NSL1: variants seen among roughly 807,000 people sequenced by gnomAD.
The protein encoded by NSL1 is NSL1 component of MIS12 kinetochore complex.
Under a neutral mutation model 25.4 loss-of-function variants are expected in NSL1, and 11 were observed. The observed-to-expected ratio is 0.43, with a 90% CI of 0.27 to 0.72. The LOEUF (loss-of-function observed/expected upper bound fraction) is 0.72. Among genes scored for constraint, NSL1 ranks in the 30% least tolerant of loss-of-function variants. The probability of loss-of-function intolerance (pLI) is 0.19; values close to 1 mark genes in which losing one functional copy is unlikely to be tolerated. For synonymous variants in NSL1, 118 were observed against 120.6 expected (o/e 0.98, Z 0.14); for missense variants, 330 against 342.7 (o/e 0.96, Z 0.29).
Position 212,739,575 on chromosome 1 carries a change from T to C in NSL1, c.526A>G (p.Arg176Gly), listed in dbSNP as rs907388710. ...PAPHMENLKC[R>G]GETVAKEISE... The stretch of plus-strand genomic sequence containing the variant: ...ATCTCCTTTGCTACTGTTTCCCCTC[T>C]GCATTTCAAATTTTCCATATGAGGG... The change falls in exon 5 of 6, where the codon AGA (arginine) becomes GGA (glycine). Residue 176 changes from arginine to glycine, a missense_variant. By Grantham distance (125) the Arg-to-Gly change is moderately radical. Transcript: ENST00000366977. 6.2e-7 allele frequency: 1 copy of C among 1,613,616 alleles called. No individual in the cohort carries two copies. Among genetic ancestry groups the C allele is most frequent in the Admixed American group, 1.7e-5 (1 of 59,982 alleles).
intron 4 of NSL1, among the ~76,000 whole-genome samples, chr1:212,776,795 AG>A (rs1660393411): frequency 6.6e-6 from 1 of 152,016 alleles, no homozygotes; most frequent in African/African-American, 2.4e-5. Context: ...TAAAAAATAG[AG>A]CTGAACTATG....
chr1:212,766,146 A>C (rs1024586418), intron 4 of NSL1: 32 of 516,812 alleles, frequency 6.2e-5, no homozygotes, highest in Non-Finnish European at 8.7e-5. Flanking sequence ...AAAAAAAAAA[A>C]AACAAAAAAA....
intron 4 of NSL1, among the ~76,000 whole-genome samples, chr1:212,744,961 C>G (rs111259341): frequency 0.015 from 2,311 of 152,028 alleles, 63 homozygotes; most frequent in African/African-American, 0.053. Flanking sequence ...CATGGTGAAA[C>G]CCCGTCTCTA....
chr1:212,791,676 C>T lies in NSL1; in HGVS notation c.88G>A (p.Ala30Thr). ...AGTESQALVS[A>T]TPREDFRVRC... ...ACCCGAAAGTCTTCTCGGGGAGTGG[C>T]GGAGACCAAGGCCTGGCTCTCTGTG... Residue 30 changes from alanine (A) to threonine (T), a missense_variant, in exon 1 of 6, where the codon GCC (alanine) becomes ACC (threonine). Coordinates refer to ENST00000366977, the MANE Select transcript of NSL1 (RefSeq NM_015471.4). The T allele has an allele frequency of 6.2e-7, 1 of 1,613,896 alleles. No individual in the cohort carries two copies. Among genetic ancestry groups the T allele is most frequent in the Non-Finnish European group, 8.5e-7 (1 of 1,180,002 alleles).
At position 212,791,726 on chromosome 1, in the gene NSL1, G is replaced by T. The variant is rs897178793; in HGVS notation, c.38C>A (p.Pro13Gln). 1.2e-6 allele frequency: 2 copies of T among 1,613,462 alleles called. No individual in the cohort carries two copies. The highest frequency in any genetic ancestry group is 1.7e-6 in the Non-Finnish European group (2 of 1,179,718). Residue 13 changes from proline to glutamine, a missense_variant, in exon 1 of 6, where the codon CCA becomes CAA. Transcript: ENST00000366977. ...GSPELVVLDP[P>Q]WDKELAAGTE... Reference sequence around the variant, plus strand: ...GCCAGCCGCGAGCTCCTTGTCCCATGGAGGGTCAAGGACCACCAACTCAGG... The same window carrying T: ...GCCAGCCGCGAGCTCCTTGTCCCATTGAGGGTCAAGGACCACCAACTCAGG...
At chr1:212,747,734 T>A (rs1470969861) in intron 4 of NSL1, among the ~76,000 whole-genome samples, 1 of 152,214 alleles carries the variant, frequency 6.6e-6, no homozygotes, top group African/African-American at 2.4e-5. Flanking sequence ...AGGCTTATCT[T>A]AGGTAGAAAT....
At chr1:212,776,021 G>A (rs1571909462) in intron 4 of NSL1, among the ~76,000 whole-genome samples, 1 of 151,792 alleles carries the variant, frequency 6.6e-6, no homozygotes, top group East Asian at 1.9e-4. Context: ...TAGAGACGGG[G>A]TTTCACCATG....
At chr1:212,772,680 A>AG (rs776768194) in intron 4 of NSL1, among the ~76,000 whole-genome samples, 33 of 147,752 alleles carry the variant, frequency 2.2e-4, no homozygotes, top group African/African-American at 6.6e-4. Flanking sequence ...TTGTCTCAAA[A>AG]AAAGAAAAAA....
chr1:212,786,938 TA>T (rs995369205), intron 2 of NSL1, among the ~76,000 whole-genome samples: 4 of 151,384 alleles, frequency 2.6e-5, no homozygotes, highest in African/African-American at 9.7e-5. Context: ...ACCAGCACTT[TA>T]GGAGATTGAG....
At position 212,732,042 on chromosome 1, in the gene NSL1, T is replaced by TC; in HGVS notation, c.*6365_*6366insG. The stretch of plus-strand genomic sequence containing the variant: ...TAACTGTCCCAATTTTTTTTTTTTT[T>TC]TTTTACTGAATTCAGATTCAGGGTT... On this transcript the variant is annotated 3_prime_UTR_variant, in exon 6 of 6. Coordinates refer to ENST00000366977, the MANE Select transcript of NSL1 (RefSeq NM_015471.4). 2 of 981,220 alleles carry TC rather than the reference T, an allele frequency of 2.0e-6. No individual in the cohort carries two copies. Among genetic ancestry groups the TC allele is most frequent in the Non-Finnish European group, 2.4e-6 (2 of 828,096 alleles). 60.8% of individuals were successfully genotyped at this position (981,220 alleles called of 1,614,324 possible).
chr1:212,784,335 A>G (rs766415070), intron 3 of NSL1, 28 bp downstream of exon 3: 5 of 1,488,196 alleles, frequency 3.4e-6, no homozygotes, highest in Non-Finnish European at 3.7e-6. Context: ...AAAATATACT[A>G]TAACATTTTA....
At chr1:212,776,100 C>G (rs1660353967) in intron 4 of NSL1, among the ~76,000 whole-genome samples, 1 of 152,192 alleles carries the variant, frequency 6.6e-6, no homozygotes, top group African/African-American at 2.4e-5. Context: ...CAGGCGTGAG[C>G]CACTGCGCCC....
At chr1:212,748,424 T>C (rs897540878) in intron 4 of NSL1, among the ~76,000 whole-genome samples, 16 of 152,218 alleles carry the variant, frequency 1.1e-4, no homozygotes, top group Admixed American at 3.9e-4. Flanking sequence ...ATAAGAATGT[T>C]CATAGTAGCT....
Position 212,791,569 on chromosome 1 carries a change from C to T in NSL1, c.195G>A (p.Pro65=). The T allele has an allele frequency of 6.2e-7, 1 of 1,613,840 alleles. No individual in the cohort carries two copies. The highest frequency in any genetic ancestry group is 8.5e-7 in the Non-Finnish European group (1 of 1,180,020). The change falls in exon 1 of 6, where the codon CCG becomes CCA. Residue 65 remains proline (P), a synonymous_variant. Coordinates refer to ENST00000366977, the MANE Select transcript of NSL1 (RefSeq NM_015471.4). ...GCAGAGCGGGCTCCCGAATCTCCTC[C>T]GGCAGAGCGTCCCCGAGCTTTTGCA... ...RFVQKLGDAL[P]EEIREPALRD...
chr1:212,735,458 TA>T lies in NSL1; in HGVS notation c.*2949del. ...GATGAAATCATACTGTTTGAAGCAA[TA>T]AAAAATTTGGTTTTATTCACTTTGT... On this transcript the variant is annotated 3_prime_UTR_variant, in exon 6 of 6. Coordinates refer to ENST00000366977, the MANE Select transcript of NSL1 (RefSeq NM_015471.4). 4.1e-6 allele frequency: 4 copies of T among 985,392 alleles called. No individual in the cohort carries two copies. Among genetic ancestry groups the T allele is most frequent in the Non-Finnish European group, 4.8e-6 (4 of 829,906 alleles). 61.0% of individuals were successfully genotyped at this position (985,392 alleles called of 1,614,324 possible). A position where few individuals can be genotyped will look rare whatever the true frequency, so the allele number is the denominator to read the frequency against.
At position 212,731,611 on chromosome 1, in the gene NSL1, AC is replaced by A. The variant is rs1176154334; in HGVS notation, c.*6796del. ...TATCAGTCCCTGGCCCAGTTCCCCC[AC>A]CTAAGTTCATCCACAGAGTTAATAC... On this transcript the variant is annotated 3_prime_UTR_variant, in exon 6 of 6. Transcript: ENST00000366977. 1 of 985,354 alleles carries A rather than the reference AC, an allele frequency of 1.0e-6. No homozygotes were observed. The highest frequency in any genetic ancestry group is 1.1e-4 in the East Asian group (1 of 8,824). 61.0% of individuals were successfully genotyped at this position (985,354 alleles called of 1,614,324 possible).
intron 2 of NSL1, among the ~76,000 whole-genome samples, chr1:212,785,054 T>C (rs577770454): frequency 3.8e-4 from 58 of 152,198 alleles, no homozygotes; most frequent in Admixed American, 1.2e-3. Flanking sequence ...AAAGGAGAAA[T>C]GGATGATAAA....
chr1:212,748,554 G>T (rs899450207), intron 4 of NSL1, among the ~76,000 whole-genome samples: 1 of 152,142 alleles, frequency 6.6e-6, no homozygotes, highest in Non-Finnish European at 1.5e-5. Flanking sequence ...CATTCAAAAC[G>T]TGGATGAATC....
At chr1:212,759,243 T>A (rs535237203) in intron 4 of NSL1, among the ~76,000 whole-genome samples, 9 of 152,254 alleles carry the variant, frequency 5.9e-5, no homozygotes, top group African/African-American at 2.2e-4. Flanking sequence ...AAGAACATCA[T>A]CAAGAAAGTG....
Sources: gnomAD v4.1 joint callset for allele counts (sites outside exome capture counted in the v4.1 genomes callset) on GRCh38, gnomAD v4.1.1 for gene constraint, MANE v1.5 for transcripts, NCBI Gene and HGNC (gene_info 2026-07-23, HGNC 2026-07-21) for gene names.